The following PUS7 variants were observed in gnomAD, a reference collection of about 807,000 sequenced individuals.
The protein encoded by PUS7 is pseudouridylate synthase 7 homolog.
A neutral mutation model predicts 79.8 loss-of-function variants in PUS7; 48 were observed. The ratio of observed to expected loss-of-function variants is 0.60; its 90% CI spans 0.48 to 0.76. The LOEUF is 0.76. Ranked by LOEUF, PUS7 falls within the 30% of genes least tolerant of loss-of-function variation. The pLI, the probability that PUS7 is intolerant of heterozygous loss-of-function variation, is 0.00. For missense variants in PUS7, 729 were observed against 797.6 expected, an observed-to-expected ratio of 0.91 and a Z score of 1.04; for synonymous variants, 286 against 272.2, an observed-to-expected ratio of 1.05 and a Z score of -0.50.
intron 9 of PUS7, 44 bp from the exon 10 acceptor site, chr7:105,472,237 TAAAA>T: frequency 1.7e-6 from 2 of 1,167,366 alleles, no homozygotes; most frequent in Non-Finnish European, 2.5e-6. Flanking sequence ...TGCATAAAGA[TAAAA>T]CTTTATATGC....
Position 105,495,474 on chromosome 7 carries a change from C to T in PUS7, c.731-221G>A, listed in dbSNP as rs1824974455. Reference sequence around the variant, plus strand: ...TTAAAAATAAAAAGCTAAAATGTGGCTGGGCACGGTGGCTCACACCTGTAA... The same window carrying T: ...TTAAAAATAAAAAGCTAAAATGTGGTTGGGCACGGTGGCTCACACCTGTAA... On this transcript the variant is annotated intron_variant, in intron 5 of 15. Transcript: ENST00000469408. 3 of 355,354 alleles carry T rather than the reference C, an allele frequency of 8.4e-6. No individual in the cohort carries two copies. The East Asian group carries it at 1.7e-4, about 20-fold the overall frequency. 22.0% of individuals were successfully genotyped at this position (355,354 alleles called of 1,614,324 possible).
intron 1 of PUS7, among the ~76,000 whole-genome samples, chr7:105,521,048 T>C (rs1826088138): frequency 6.6e-6 from 1 of 152,212 alleles, no homozygotes; most frequent in East Asian, 1.9e-4. Flanking sequence ...ACCAAAAACA[T>C]GTTCACAAGG....
chr7:105,503,819 G>A lies in PUS7; in HGVS notation c.586-1255C>T, dbSNP rs548768357. On this transcript the variant is annotated intron_variant, in intron 4 of 15. Coordinates refer to ENST00000469408, the MANE Select transcript of PUS7 (RefSeq NM_019042.5). ...AGCTAATTTTTTTATGTTTTGTAGA[G>A]ATGGCGTTTCGCCATGTTGCCCAGG... 2.9e-3 allele frequency among the ~76,000 whole-genome samples: 435 copies of A among 152,120 alleles called. 2 individuals carry two copies. Among genetic ancestry groups the A allele is most frequent in the Non-Finnish European group, 4.1e-3 (278 of 68,004 alleles).
intron 11 of PUS7, among the ~76,000 whole-genome samples, chr7:105,469,250 T>G (rs1047815669): frequency 2.6e-5 from 4 of 151,844 alleles, no homozygotes; most frequent in African/African-American, 9.7e-5. Context: ...CTTTTTAATC[T>G]CTCATTTTTC....
rs369111496 is a variant in PUS7 at position 105,508,248 on chromosome 7, G to T, written c.265C>A (p.Leu89Ile). Reference protein sequence around the residue: ...EDEEEEEEDGLSEECEEEESE... With the variant: ...EDEEEEEEDGISEECEEEESE... Reference sequence around the variant, plus strand: ...TCCTCCTCCTCGCACTCCTCTGAAAGTCCATCTTCCTCCTCTTCTTCCTCA... The same window carrying T: ...TCCTCCTCCTCGCACTCCTCTGAAATTCCATCTTCCTCCTCTTCTTCCTCA... The change falls in exon 2 of 16, where the codon CTT becomes ATT. Residue 89 changes from leucine to isoleucine, a missense_variant. Transcript: ENST00000469408. 40 of 1,613,976 alleles carry T rather than the reference G, an allele frequency of 2.5e-5. No individual in the cohort carries two copies. Among genetic ancestry groups the T allele is most frequent in the Non-Finnish European group, 3.4e-5 (40 of 1,180,028 alleles).
chr7:105,504,350 T>G (rs1825373221), intron 4 of PUS7, among the ~76,000 whole-genome samples: 2 of 151,840 alleles, frequency 1.3e-5, no homozygotes, highest in Middle Eastern at 3.5e-3. Flanking sequence ...GGATTACAGG[T>G]GTGAGCCACT....
chr7:105,506,317 T>C (rs1825456489), intron 2 of PUS7, 44 bp from the exon 3 acceptor site: 2 of 1,329,590 alleles, frequency 1.5e-6, no homozygotes. Flanking sequence ...AACATCCTGT[T>C]TTCTATTAAT....
chr7:105,521,634 G>A (rs915700882), intron 1 of PUS7, among the ~76,000 whole-genome samples: 5 of 152,236 alleles, frequency 3.3e-5, no homozygotes, highest in African/African-American at 1.2e-4. Flanking sequence ...CGAAGCAGTG[G>A]CACCGTGAAG....
chr7:105,463,070 C>T (rs1823499550), intron 13 of PUS7, among the ~76,000 whole-genome samples: 2 of 152,122 alleles, frequency 1.3e-5, no homozygotes, highest in South Asian at 4.1e-4. Context: ...TTTATATGGG[C>T]TGAGAGTTGG....
chr7:105,471,996 T>G (rs1823894855), intron 10 of PUS7, 136 bp downstream of exon 10: 2 of 601,826 alleles, frequency 3.3e-6, no homozygotes, highest in Non-Finnish European at 5.9e-6. Flanking sequence ...ATAAATAAAC[T>G]TATACTTTTA....
intron 7 of PUS7, among the ~76,000 whole-genome samples, chr7:105,486,932 C>T (rs1824574266): frequency 6.6e-6 from 1 of 151,928 alleles, no homozygotes; most frequent in African/African-American, 2.4e-5. Flanking sequence ...TGGTGGTGCA[C>T]ACCTGTAATC....
At position 105,469,032 on chromosome 7, in the gene PUS7, G is replaced by C. The variant is rs116530356; in HGVS notation, c.1399-569C>G. Among the ~76,000 whole-genome samples, 992 of 151,976 alleles carry C rather than the reference G, an allele frequency of 6.5e-3. 13 individuals are homozygous for C. Among genetic ancestry groups the C allele is most frequent in the African/African-American group, 0.023 (945 of 41,454 alleles). The stretch of plus-strand genomic sequence containing the variant: ...TTCTCCCACCCCAGCCTCTTGAGTA[G>C]CTGTGACTACAGGCGTGCACCACCA... On this transcript the variant is annotated intron_variant, in intron 11 of 15. Transcript: ENST00000469408.
intron 12 of PUS7, among the ~76,000 whole-genome samples, chr7:105,465,879 C>T (rs542140964): frequency 4.6e-5 from 7 of 152,054 alleles, no homozygotes; most frequent in African/African-American, 1.4e-4. Flanking sequence ...AAGCTGGGGC[C>T]AGGAGCAGTG....
At chr7:105,460,185 G>A (rs1017737073) in intron 14 of PUS7, among the ~76,000 whole-genome samples, 10 of 152,118 alleles carry the variant, frequency 6.6e-5, no homozygotes, top group South Asian at 6.2e-4. Flanking sequence ...TGATCTGCCC[G>A]CCTCGGCCTC....
At chr7:105,495,389 C>T in intron 5 of PUS7, 136 bp from the exon 6 acceptor site, 2 of 587,528 alleles carry the variant, frequency 3.4e-6, no homozygotes, top group South Asian at 2.1e-5. Flanking sequence ...GTGGTTATAG[C>T]TGTGTGGACT....
chr7:105,492,777 G>C (rs1824849547), intron 6 of PUS7, among the ~76,000 whole-genome samples: 1 of 152,100 alleles, frequency 6.6e-6, no homozygotes. Context: ...AAAGTGCTGG[G>C]ATTACAGGCG....
chr7:105,469,735 C>T (rs1319481720), intron 11 of PUS7, among the ~76,000 whole-genome samples: 1 of 152,216 alleles, frequency 6.6e-6, no homozygotes, highest in Non-Finnish European at 1.5e-5. Flanking sequence ...GTTGGAATTA[C>T]AGGCGTGAGC....
At chr7:105,495,017 T>A (rs1824951375) in intron 6 of PUS7, 125 bp downstream of exon 6, 3 of 478,742 alleles carry the variant, frequency 6.3e-6, no homozygotes, top group Admixed American at 3.2e-5. Flanking sequence ...AAGAAAACTA[T>A]CATTGGGAGG....
chr7:105,497,644 T>G (rs1586155338), intron 5 of PUS7, among the ~76,000 whole-genome samples: 1 of 152,138 alleles, frequency 6.6e-6, no homozygotes, highest in Non-Finnish European at 1.5e-5. Flanking sequence ...AATAGGTATG[T>G]GATAGGAAGA....
Sources: gnomAD v4.1 joint callset for allele counts (sites outside exome capture counted in the v4.1 genomes callset) on GRCh38, gnomAD v4.1.1 for gene constraint, MANE v1.5 for transcripts, NCBI Gene and HGNC (gene_info 2026-07-23, HGNC 2026-07-21) for gene names.